The following C1orf94 variants were observed in gnomAD, a reference collection of about 807,000 sequenced individuals.
C1orf94 encodes chromosome 1 open reading frame 94.
C1orf94 carries 45 observed loss-of-function variants against 53.6 expected under a neutral mutation model. That is an observed-to-expected ratio of 0.84 (90% confidence interval 0.66 to 1.08). The LOEUF (loss-of-function observed/expected upper bound fraction) is 1.08. C1orf94 is among the 50% of genes least tolerant of loss of function. The pLI, the probability that C1orf94 is intolerant of heterozygous loss-of-function variation, is 0.00. For synonymous variants in C1orf94, 304 were observed against 296.1 expected, an observed-to-expected ratio of 1.03 and a Z score of -0.27; for missense variants, 762 against 738.9, an observed-to-expected ratio of 1.03 and a Z score of -0.36.
Position 34,177,280 on chromosome 1 carries a change from T to A in C1orf94, c.-510T>A, listed in dbSNP as rs1277936107. Reference sequence around the variant, plus strand: ...GACGCTCGCTCTGCGAGGGGCTCCCTGGGAACGCCCAGGCGAGCGCCTCCT... The same window carrying A: ...GACGCTCGCTCTGCGAGGGGCTCCCAGGGAACGCCCAGGCGAGCGCCTCCT... On this transcript the variant is annotated 5_prime_UTR_variant, in exon 1 of 7. Transcript: ENST00000488417. 6.6e-6 allele frequency among the ~76,000 whole-genome samples: 1 copy of A among 152,166 alleles called. No homozygotes were observed. Among genetic ancestry groups the A allele is most frequent in the Non-Finnish European group, 1.5e-5 (1 of 68,014 alleles).
At chr1:34,181,742 G>A (rs1479233521) in intron 1 of C1orf94, among the ~76,000 whole-genome samples, 1 of 152,224 alleles carries the variant, frequency 6.6e-6, no homozygotes, top group East Asian at 1.9e-4. Flanking sequence ...AGTGACAACT[G>A]TGATAATGGA....
rs751868702 is a variant in C1orf94 at position 34,212,346 on chromosome 1, C to T, written c.1661C>T (p.Pro554Leu). 1 of 1,613,172 alleles carries T rather than the reference C, an allele frequency of 6.2e-7. No individual in the cohort carries two copies. The highest frequency in any genetic ancestry group is 2.2e-5 in the East Asian group (1 of 44,798). ...ACACCTCCAAAGATGTCTGCCAACC[C>T]CCGAGACCCTCCCCTAATGGCAGGA... The part of the protein sequence containing the change: ...QRTPPKMSAN[P>L]RDPPLMAGDG... Residue 554 changes from proline to leucine, a missense_variant, in exon 6 of 7, where the codon CCC becomes CTC. Transcript: ENST00000488417.
intron 4 of C1orf94, among the ~76,000 whole-genome samples, chr1:34,202,962 T>C (rs1469434766): frequency 1.3e-5 from 2 of 152,204 alleles, no homozygotes; most frequent in Non-Finnish European, 2.9e-5. Flanking sequence ...CATAGTACAT[T>C]ATTAGGCGTT....
In C1orf94 at chr1:34,200,824, C is replaced by T; in HGVS notation, c.1062C>T (p.Leu354=). The part of the protein sequence containing the change: ...EPKKGQGSLF[L]SQWPQSQKDA... ...AAAAGGGTCAAGGGAGCCTCTTTCT[C>T]AGCCAGTGGCCCCAGAGCCAGAAGG... Residue 354 remains leucine, a synonymous_variant, in exon 3 of 7, where the codon CTC becomes CTT. Coordinates refer to ENST00000488417, the MANE Select transcript of C1orf94 (RefSeq NM_001134734.2). 1 of 1,614,172 alleles carries T rather than the reference C, an allele frequency of 6.2e-7. No homozygotes were observed. Among genetic ancestry groups the T allele is most frequent in the South Asian group, 1.1e-5 (1 of 91,068 alleles).
intron 1 of C1orf94, among the ~76,000 whole-genome samples, chr1:34,185,794 T>A (rs991277483): frequency 6.6e-6 from 1 of 152,250 alleles, no homozygotes; most frequent in Non-Finnish European, 1.5e-5. Context: ...ACATCTCTCA[T>A]GGCTCGCCTT....
At chr1:34,201,225 T>C (rs899117010) in intron 3 of C1orf94, among the ~76,000 whole-genome samples, 193 bp downstream of exon 3, 1 of 152,182 alleles carries the variant, frequency 6.6e-6, no homozygotes, top group Non-Finnish European at 1.5e-5. Flanking sequence ...GCTAGAGAAG[T>C]GTAGTTGGCT....
chr1:34,176,699 GC>G, upstream of C1orf94, among the ~76,000 whole-genome samples: 1 of 152,168 alleles, frequency 6.6e-6, no homozygotes, highest in Admixed American at 6.5e-5. Flanking sequence ...TTGGCACAGG[GC>G]AAGCGCCCCA....
intron 1 of C1orf94, among the ~76,000 whole-genome samples, chr1:34,194,463 G>A (rs189431797): frequency 1.3e-4 from 20 of 152,248 alleles, no homozygotes; most frequent in Non-Finnish European, 2.8e-4. Flanking sequence ...TTGGTACAGG[G>A]ATCTCAGGGC....
intron 4 of C1orf94, among the ~76,000 whole-genome samples, chr1:34,204,918 A>G (rs1053526763): frequency 1.3e-5 from 2 of 152,234 alleles, no homozygotes; most frequent in African/African-American, 4.8e-5. Flanking sequence ...AAGTTCAGGA[A>G]TAAACCAGAG....
intron 1 of C1orf94, among the ~76,000 whole-genome samples, chr1:34,182,320 A>G (rs933114514): frequency 1.3e-5 from 2 of 152,218 alleles, no homozygotes; most frequent in African/African-American, 4.8e-5. Context: ...TAACAGAGAC[A>G]GGCAGGCAAG....
chr1:34,187,355 C>T (rs896658857), intron 1 of C1orf94, among the ~76,000 whole-genome samples: 11 of 152,046 alleles, frequency 7.2e-5, no homozygotes, highest in East Asian at 3.9e-4. Context: ...TGGGCCCTTC[C>T]GAATAGCCCT....
intron 4 of C1orf94, among the ~76,000 whole-genome samples, chr1:34,203,469 G>A (rs1642747421): frequency 6.6e-6 from 1 of 152,128 alleles, no homozygotes; most frequent in Non-Finnish European, 1.5e-5. Flanking sequence ...ATCTTTGTAT[G>A]TCATTTTATA....
At chr1:34,178,698 G>A (rs755144267) in intron 1 of C1orf94, among the ~76,000 whole-genome samples, 51 of 152,372 alleles carry the variant, frequency 3.3e-4, no homozygotes, top group Middle Eastern at 3.4e-3. Flanking sequence ...GAAATCCTGT[G>A]TCTGGGAAAC....
At chr1:34,184,320 G>A (rs1008269523) in intron 1 of C1orf94, among the ~76,000 whole-genome samples, 10 of 152,206 alleles carry the variant, frequency 6.6e-5, no homozygotes, top group African/African-American at 2.4e-4. Flanking sequence ...TTACATGGGA[G>A]TGAAGTGTAG....
chr1:34,201,959 C>G (rs1642713743), intron 3 of C1orf94, 125 bp from the exon 4 acceptor site: 3 of 885,722 alleles, frequency 3.4e-6, no homozygotes, highest in African/African-American at 1.7e-5. Context: ...TTGAAGAACC[C>G]TCTTGGAGCT....
Position 34,218,779 on chromosome 1 carries a change from C to T in C1orf94, c.*18C>T, listed in dbSNP as rs745881795. On this transcript the variant is annotated 3_prime_UTR_variant, in exon 7 of 7. Coordinates refer to ENST00000488417, the MANE Select transcript of C1orf94 (RefSeq NM_001134734.2). ...ACTTTTAGATCTCCTCTTCTCCCTT[C>T]TCCTCCCTTAGCCCTTGGATCAGGA... 1 of 1,606,446 alleles carries T rather than the reference C, an allele frequency of 6.2e-7. No individual in the cohort carries two copies. The highest frequency in any genetic ancestry group is 1.1e-5 in the South Asian group (1 of 90,330).
Position 34,177,601 on chromosome 1 carries a change from G to A in C1orf94, c.-189G>A, listed in dbSNP as rs1642248731. 6 of 542,392 alleles carry A rather than the reference G, an allele frequency of 1.1e-5. No individual in the cohort carries two copies. The highest frequency in any genetic ancestry group is 1.3e-5 in the Non-Finnish European group (4 of 310,356). 33.6% of individuals were successfully genotyped at this position (542,392 alleles called of 1,614,324 possible). On this transcript the variant is annotated 5_prime_UTR_variant, in exon 1 of 7. Coordinates refer to ENST00000488417, the MANE Select transcript of C1orf94 (RefSeq NM_001134734.2). ...TCTTCTAAGGGAGAGGGGGAGGGAGGCAAAAGTCAGGAAAGAGCAAATAAA... is the reference window on the plus strand; with the variant it reads ...TCTTCTAAGGGAGAGGGGGAGGGAGACAAAAGTCAGGAAAGAGCAAATAAA...
At chr1:34,168,312 T>C (rs1553127880) in intron 1 of C1orf94, among the ~76,000 whole-genome samples, 1 of 151,910 alleles carries the variant, frequency 6.6e-6, no homozygotes, top group Non-Finnish European at 1.5e-5. Context: ...AATATAATAA[T>C]AGAATTAAGC....
upstream of C1orf94, among the ~76,000 whole-genome samples, chr1:34,176,382 G>A (rs951560730): frequency 2.0e-5 from 3 of 152,084 alleles, no homozygotes; most frequent in Non-Finnish European, 2.9e-5. Flanking sequence ...CTGTGTCAGT[G>A]CCCAATTGAA....
Sources: gnomAD v4.1 joint callset for allele counts (sites outside exome capture counted in the v4.1 genomes callset) on GRCh38, gnomAD v4.1.1 for gene constraint, MANE v1.5 for transcripts, NCBI Gene and HGNC (gene_info 2026-07-23, HGNC 2026-07-21) for gene names.